Variants in CSNK1G2 observed in about 807,000 individuals in gnomAD.
CSNK1G2 encodes the protein casein kinase 1 gamma 2, also known as casein kinase I isoform gamma-2.
CSNK1G2 carries 11 observed loss-of-function variants against 48.0 expected under a neutral mutation model. The observed-to-expected ratio is 0.23, with a 90% CI of 0.14 to 0.38. The LOEUF (loss-of-function observed/expected upper bound fraction) is 0.38. CSNK1G2 is among the 10% of genes least tolerant of loss of function. The pLI is 1.00. For synonymous variants in CSNK1G2, 337 were observed against 254.1 expected, an observed-to-expected ratio of 1.33 and a Z score of -3.10; for missense variants, 446 against 595.5, an observed-to-expected ratio of 0.75 and a Z score of 2.61.
intron 1 of CSNK1G2, among the ~76,000 whole-genome samples, chr19:1,955,989 G>A (rs1204750159): frequency 6.6e-6 from 1 of 152,202 alleles, no homozygotes; most frequent in Admixed American, 6.5e-5. Context: ...TTGGCCGGGC[G>A]GAGCAGGGTC....
At chr19:1,947,072 CAGAGAAAATCTT>C in intron 1 of CSNK1G2, among the ~76,000 whole-genome samples, 1 of 152,224 alleles carries the variant, frequency 6.6e-6, no homozygotes, top group Non-Finnish European at 1.5e-5. Flanking sequence ...ATTTAAAAGG[CAGAGAAAATCTT>C]AGAGGTTTTT....
chr19:1,946,009 C>G (rs897898261), intron 1 of CSNK1G2, among the ~76,000 whole-genome samples: 2 of 152,076 alleles, frequency 1.3e-5, no homozygotes, highest in Non-Finnish European at 2.9e-5. Context: ...CGGCCTGACC[C>G]GTGGGGTATG....
Position 1,979,418 on chromosome 19 carries a change from C to T in CSNK1G2, c.853+15C>T, listed in dbSNP as rs372348470. ...GAACTTCCCAGGTAAGGGGTCCCTGCGCCCCCGCCCTGTGCCCCCCACCCC... is the reference window on the plus strand; with the variant it reads ...GAACTTCCCAGGTAAGGGGTCCCTGTGCCCCCGCCCTGTGCCCCCCACCCC... On this transcript the variant is annotated intron_variant, in intron 8 of 11. Coordinates refer to ENST00000255641, the MANE Select transcript of CSNK1G2 (RefSeq NM_001319.7). 3.4e-5 allele frequency: 53 copies of T among 1,547,462 alleles called. No homozygotes were observed. In the African/African-American group the frequency reaches 4.6e-4, roughly 14 times the overall value.
chr19:1,975,577 GCAGC>G, intron 2 of CSNK1G2: 1 of 985,468 alleles, frequency 1.0e-6, no homozygotes, highest in Non-Finnish European at 1.2e-6. Flanking sequence ...CACCGCAGGG[GCAGC>G]CTTTTGGGCG....
chr19:1,946,301 A>ATTTATTT (rs1414304945), intron 1 of CSNK1G2, among the ~76,000 whole-genome samples: 7 of 72,832 alleles, frequency 9.6e-5, no homozygotes, highest in Middle Eastern at 9.6e-3. Flanking sequence ...TTATTTATTT[A>ATTTATTT]TTTTTTTTAA....
intron 1 of CSNK1G2, among the ~76,000 whole-genome samples, chr19:1,943,590 G>C (rs1011644162): frequency 3.9e-5 from 6 of 151,994 alleles, no homozygotes; most frequent in African/African-American, 1.5e-4. Flanking sequence ...GATTGGGGTA[G>C]TCCTGTTGGT....
intron 1 of CSNK1G2, among the ~76,000 whole-genome samples, chr19:1,956,281 G>A (rs910234102): frequency 7.9e-5 from 12 of 152,210 alleles, no homozygotes; most frequent in Non-Finnish European, 1.5e-4. Flanking sequence ...CTGGGGGTTG[G>A]GGCTTGTCAT....
intron 1 of CSNK1G2, among the ~76,000 whole-genome samples, chr19:1,960,690 C>T (rs1205265907): frequency 6.6e-6 from 1 of 152,192 alleles, no homozygotes; most frequent in African/African-American, 2.4e-5. Flanking sequence ...GAGTTTGAGA[C>T]CAGCCTGGCC....
At chr19:1,966,448 G>A (rs960974583) in intron 1 of CSNK1G2, among the ~76,000 whole-genome samples, 2 of 152,198 alleles carry the variant, frequency 1.3e-5, no homozygotes, top group East Asian at 1.9e-4. Flanking sequence ...ACTTTAACAC[G>A]TGAGGAGTTG....
intron 1 of CSNK1G2, among the ~76,000 whole-genome samples, chr19:1,944,201 C>G (rs1349861496): frequency 6.6e-6 from 1 of 152,116 alleles, no homozygotes; most frequent in African/African-American, 2.4e-5. Flanking sequence ...TCCGCCTCCC[C>G]CATCCCGCGG....
At chr19:1,953,478 C>G in intron 1 of CSNK1G2, 1 of 534,306 alleles carries the variant, frequency 1.9e-6, no homozygotes, top group Non-Finnish European at 3.8e-6. Flanking sequence ...CTCTGGAGTC[C>G]ATGGCAGCCT....
At chr19:1,950,381 C>T (rs1024311025) in intron 1 of CSNK1G2, among the ~76,000 whole-genome samples, 12 of 146,748 alleles carry the variant, frequency 8.2e-5, no homozygotes, top group Admixed American at 2.7e-4. Context: ...CCTCGTGATC[C>T]GCCCTCCTCG....
chr19:1,963,061 T>TCCAGGCTCAATGAGACACG (rs1233117035), intron 1 of CSNK1G2, among the ~76,000 whole-genome samples: 35 of 151,950 alleles, frequency 2.3e-4, no homozygotes, highest in Non-Finnish European at 4.4e-4. Context: ...AATGAGACAC[T>TCCAGGCTCAATGAGACACG]CCAGGCTCAA....
At chr19:1,952,263 G>C (rs1275984907) in intron 1 of CSNK1G2, among the ~76,000 whole-genome samples, 2 of 152,358 alleles carry the variant, frequency 1.3e-5, no homozygotes, top group East Asian at 3.9e-4. Context: ...TGTGTCATCT[G>C]CGGCCTGTGA....
At chr19:1,946,362 G>C (rs1044287144) in intron 1 of CSNK1G2, among the ~76,000 whole-genome samples, 1 of 151,030 alleles carries the variant, frequency 6.6e-6, no homozygotes, top group East Asian at 1.9e-4. Context: ...CCCGATCTCA[G>C]CTCACTGCAA....
At chr19:1,959,651 C>T (rs1031931678) in intron 1 of CSNK1G2, among the ~76,000 whole-genome samples, 12 of 124,078 alleles carry the variant, frequency 9.7e-5, no homozygotes, top group Admixed American at 1.5e-4. Flanking sequence ...GTGGGTCCCC[C>T]AGCACCCGCC....
chr19:1,976,475 G>A (rs911663660), intron 2 of CSNK1G2, among the ~76,000 whole-genome samples: 6 of 152,194 alleles, frequency 3.9e-5, no homozygotes, highest in Non-Finnish European at 7.4e-5. Flanking sequence ...GTAGTGATGC[G>A]GACAGGGCAG....
chr19:1,941,240 C>T lies in CSNK1G2; in HGVS notation c.-444C>T, dbSNP rs1288551255. 3 of 146,502 alleles carry T rather than the reference C, an allele frequency of 2.0e-5. No homozygotes were observed. Among genetic ancestry groups the T allele is most frequent in the South Asian group, 2.1e-4 (1 of 4,860 alleles). 9.1% of individuals were successfully genotyped at this position (146,502 alleles called of 1,614,324 possible). A position where few individuals can be genotyped will look rare whatever the true frequency, so the allele number is the denominator to read the frequency against. ...GCGGAGCGCGGCGAGCCCGGCGCCT[C>T]CCGTCCCGAACATGCGGAGGCCGGC... On this transcript the variant is annotated 5_prime_UTR_variant, in exon 1 of 12. Coordinates refer to ENST00000255641, the MANE Select transcript of CSNK1G2 (RefSeq NM_001319.7).
chr19:1,958,979 CCCTTCCCCAAATTCCCCATG>C (rs2015100749), intron 1 of CSNK1G2, among the ~76,000 whole-genome samples: 1 of 139,294 alleles, frequency 7.2e-6, no homozygotes, highest in Non-Finnish European at 1.5e-5. Flanking sequence ...TCCTGAGCGT[CCCTTCCCCAAATTCCCCATG>C]TGGCTTCCCA....
Sources: allele counts gnomAD v4.1 joint callset (sites outside exome capture counted in the v4.1 genomes callset), GRCh38; gene constraint gnomAD v4.1.1; transcripts MANE v1.5; gene names NCBI Gene and HGNC (gene_info 2026-07-23, HGNC 2026-07-21).